The following MRPS7 variants were observed in gnomAD, a reference collection of about 807,000 sequenced individuals.
The protein encoded by MRPS7 is small ribosomal subunit protein uS7m.
MRPS7 carries 13 observed loss-of-function variants against 26.2 expected under a neutral mutation model. The observed-to-expected ratio is 0.50, with a 90% CI of 0.32 to 0.79. MRPS7 has a LOEUF of 0.79. Ranked by LOEUF, MRPS7 falls within the 30% of genes least tolerant of loss-of-function variation. MRPS7 has a pLI of 0.03. For missense variants in MRPS7, 318 were observed against 312.2 expected (o/e 1.02, Z -0.14); for synonymous variants, 129 against 113.3 (o/e 1.14, Z -0.88).
rs140337592 is a variant in MRPS7 at position 75,263,384 on chromosome 17, C to T, written c.384C>T (p.Ala128=). The change falls in exon 4 of 5, where the codon GCC becomes GCT. Residue 128 remains alanine, a synonymous_variant. Coordinates refer to ENST00000245539, the MANE Select transcript of MRPS7 (RefSeq NM_015971.4). ...VKRKQFEKYH[A]ASAEEQATIE... is the part of the protein sequence containing the mutation. Reference sequence around the variant, plus strand: ...GGAAGCAGTTTGAGAAGTACCATGCCGCTTCTGCAGAGGAACAGGCAACCA... The same window carrying T: ...GGAAGCAGTTTGAGAAGTACCATGCTGCTTCTGCAGAGGAACAGGCAACCA... The T allele has an allele frequency of 8.1e-6, 13 of 1,613,938 alleles. No homozygotes were observed. Among genetic ancestry groups the T allele is most frequent in the Admixed American group, 3.3e-5 (2 of 59,994 alleles).
chr17:75,262,455 G>A (rs201607522), intron 1 of MRPS7, 42 bp from the exon 2 acceptor site: 91 of 1,599,472 alleles, frequency 5.7e-5, no homozygotes, highest in Middle Eastern at 1.7e-4. Flanking sequence ...ACTCGCTTGT[G>A]GAGTCAGCTT....
intron 3 of MRPS7, 75 bp downstream of exon 3, chr17:75,262,942 T>C: frequency 7.0e-7 from 1 of 1,420,378 alleles, no homozygotes; most frequent in Non-Finnish European, 9.9e-7. Flanking sequence ...ACTTTCAGTG[T>C]AGCTTAAGAG....
In MRPS7 at chr17:75,262,616, T is replaced by A; in HGVS notation, c.203T>A (p.Leu68His). Residue 68 changes from leucine to histidine, a missense_variant, in exon 2 of 5, where the codon CTC becomes CAC. Transcript: ENST00000245539. ...GAGGAGGAGAAATATGTTCGGGAGCTCAAGAAGACTCAGCTCATCAAAGCT... is the reference window on the plus strand; with the variant it reads ...GAGGAGGAGAAATATGTTCGGGAGCACAAGAAGACTCAGCTCATCAAAGCT... ...LTEEEKYVRE[L>H]KKTQLIKAAP... 6.2e-7 allele frequency: 1 copy of A among 1,614,054 alleles called. No homozygotes were observed. Among genetic ancestry groups the A allele is most frequent in the Non-Finnish European group, 8.5e-7 (1 of 1,180,036 alleles).
Position 75,265,782 on chromosome 17 carries a change from C to T in MRPS7, c.588C>T (p.His196=). 2 of 1,614,194 alleles carry T rather than the reference C, an allele frequency of 1.2e-6. No individual in the cohort carries two copies. Among genetic ancestry groups the T allele is most frequent in the South Asian group, 1.1e-5 (1 of 91,084 alleles). Residue 196 remains histidine (H), a synonymous_variant, in exon 5 of 5, where the codon CAC becomes CAT. Transcript: ENST00000245539. Reference sequence around the variant, plus strand: ...TCACTGAGTGCCGGGATAAAAAGCACCAGCGGACACTGATGCCGGAGAAGC... The same window carrying T: ...TCACTGAGTGCCGGGATAAAAAGCATCAGCGGACACTGATGCCGGAGAAGC... ...WMITECRDKK[H]QRTLMPEKLS...
At chr17:75,263,738 A>C (rs1308241457) in intron 4 of MRPS7, 4 of 542,856 alleles carry the variant, frequency 7.4e-6, no homozygotes, top group Non-Finnish European at 1.3e-5. Flanking sequence ...AAAATTAGCC[A>C]GGTGTGGTGG....
chr17:75,264,749 G>A lies in MRPS7; in HGVS notation c.508-953G>A, dbSNP rs1425229130. On this transcript the variant is annotated intron_variant, in intron 4 of 4. Transcript: ENST00000245539. ...GTGCAGTGCTGTAATCTCAGCTCTC[G>A]GCTCACTGCAGCCTCCGCCTCCCGG... Among the ~76,000 whole-genome samples, 4 of 147,742 alleles carry A rather than the reference G, an allele frequency of 2.7e-5. No individual in the cohort carries two copies. In the South Asian group the frequency reaches 6.5e-4, roughly 24 times the overall value.
chr17:75,262,684 A>C lies in MRPS7; in HGVS notation c.271A>C (p.Ile91Leu), dbSNP rs2077426477. ...KTSSVFEDPV[I>L]SKFTNMMMIG... ...AAGTTCTGTGTTTGAAGACCCAGTC[A>C]TCAGGTTAGATGGAAACAAACACTT... is the stretch of plus-strand genomic sequence containing the variant. Residue 91 changes from isoleucine (I) to leucine (L), a missense_variant, in exon 2 of 5, where the codon ATC (isoleucine) becomes CTC (leucine). Transcript: ENST00000245539. The C allele has an allele frequency of 6.2e-7, 1 of 1,614,082 alleles. No individual in the cohort carries two copies. The highest frequency in any genetic ancestry group is 1.3e-5 in the African/African-American group (1 of 74,952).
chr17:75,264,268 G>T (rs2077452774), intron 4 of MRPS7: 1 of 151,972 alleles, frequency 6.6e-6, no homozygotes, highest in African/African-American at 2.4e-5. Flanking sequence ...AGAGAGTGAA[G>T]AAGTATCTAA....
intron 3 of MRPS7, chr17:75,263,135 T>G: frequency 7.0e-6 from 3 of 426,162 alleles, no homozygotes; most frequent in African/African-American, 2.3e-5. Flanking sequence ...CCCCACCCCC[T>G]CCATGCCACA....
At chr17:75,264,562 C>T (rs533997005) in intron 4 of MRPS7, 22 of 152,172 alleles carry the variant, frequency 1.4e-4, no homozygotes, top group African/African-American at 3.4e-4. Flanking sequence ...TCTGCACTCT[C>T]GTGTCTGGCA....
intron 3 of MRPS7, 145 bp downstream of exon 3, chr17:75,263,012 T>C: frequency 1.3e-6 from 1 of 783,402 alleles, no homozygotes; most frequent in South Asian, 1.8e-5. Context: ...CGGGCTTTAA[T>C]GAAGCCCTGT....
chr17:75,264,274 T>G (rs1171236133), intron 4 of MRPS7: 1 of 151,936 alleles, frequency 6.6e-6, no homozygotes, highest in African/African-American at 2.4e-5. Flanking sequence ...TGAAGAAGTA[T>G]CTAAGTGACA....
Position 75,265,939 on chromosome 17 carries a change from C to T in MRPS7, c.*16C>T. On this transcript the variant is annotated 3_prime_UTR_variant, in exon 5 of 5. Transcript: ENST00000245539. ...CTGGTGGTAGAGTCTCCAGGAGGAGCCCAGGGCCCTCTGCCGCAAGAAACA... is the reference window on the plus strand; with the variant it reads ...CTGGTGGTAGAGTCTCCAGGAGGAGTCCAGGGCCCTCTGCCGCAAGAAACA... 6.2e-7 allele frequency: 1 copy of T among 1,610,174 alleles called. No individual in the cohort carries two copies. The highest frequency in any genetic ancestry group is 8.5e-7 in the Non-Finnish European group (1 of 1,177,670).
intron 1 of MRPS7, 31 bp downstream of exon 1, chr17:75,262,014 C>T: frequency 1.9e-6 from 3 of 1,599,168 alleles, no homozygotes; most frequent in Non-Finnish European, 1.7e-6. Flanking sequence ...GGCGGGGGGG[C>T]GCTGCGAGGA....
At chr17:75,262,999 G>A in intron 3 of MRPS7, 132 bp downstream of exon 3, 4 of 920,130 alleles carry the variant, frequency 4.3e-6, no homozygotes, top group South Asian at 1.7e-5. Flanking sequence ...CCCTGCATGT[G>A]TACGGGCTTT....
At chr17:75,262,012 G>C (rs113104724) in intron 1 of MRPS7, 29 bp downstream of exon 1, 38 of 1,599,566 alleles carry the variant, frequency 2.4e-5, no homozygotes, top group East Asian at 8.9e-5. Flanking sequence ...GCGGCGGGGG[G>C]GCGCTGCGAG....
chr17:75,263,800 G>T, intron 4 of MRPS7: 1 of 267,596 alleles, frequency 3.7e-6, no homozygotes, highest in Non-Finnish European at 7.2e-6. Flanking sequence ...AGGATCACTT[G>T]AGTCCAGGAG....
chr17:75,262,725 A>G, intron 2 of MRPS7, 37 bp downstream of exon 2: 2 of 1,613,862 alleles, frequency 1.2e-6, no homozygotes, highest in East Asian at 2.2e-5. Context: ...ATGGACTGGG[A>G]CTATCCCAGG....
Position 75,262,700 on chromosome 17 carries a change from A to T in MRPS7, c.275+12A>T. The T allele has an allele frequency of 3.1e-6, 5 of 1,614,118 alleles. No individual in the cohort carries two copies. Among genetic ancestry groups the T allele is most frequent in the Non-Finnish European group, 4.2e-6 (5 of 1,179,966 alleles). On this transcript the variant is annotated intron_variant, in intron 2 of 4. Coordinates refer to ENST00000245539, the MANE Select transcript of MRPS7 (RefSeq NM_015971.4). ...GACCCAGTCATCAGGTTAGATGGAA[A>T]CAAACACTTGTTACATGGACTGGGA...
Sources: allele counts gnomAD v4.1 joint callset (sites outside exome capture counted in the v4.1 genomes callset), GRCh38; gene constraint gnomAD v4.1.1; transcripts MANE v1.5; gene names NCBI Gene and HGNC (gene_info 2026-07-23, HGNC 2026-07-21).